Variants in SLC1A2 observed in about 807,000 individuals in gnomAD.
The protein encoded by SLC1A2 is excitatory amino acid transporter 2.
In SLC1A2, 15 loss-of-function variants were observed where a neutral mutation model predicts 48.8. The observed-to-expected ratio is 0.31, with a 90% CI of 0.21 to 0.47. SLC1A2 has a LOEUF of 0.47. Ranked by LOEUF, SLC1A2 falls within the 20% of genes least tolerant of loss-of-function variation. The pLI is 0.99. For missense variants in SLC1A2, 502 were observed against 730.5 expected, an observed-to-expected ratio of 0.69 and a Z score of 3.61; for synonymous variants, 279 against 272.6, an observed-to-expected ratio of 1.02 and a Z score of -0.23.
intron 1 of SLC1A2, among the ~76,000 whole-genome samples, chr11:35,402,441 AG>A (rs1243918254): frequency 2.0e-5 from 3 of 152,152 alleles, no homozygotes; most frequent in African/African-American, 7.2e-5. Flanking sequence ...GAGGCATGAA[AG>A]CTCCGAGCCC....
At chr11:35,316,868 T>TG (rs1851897939) in intron 2 of SLC1A2, 1 of 153,160 alleles carries the variant, frequency 6.5e-6, no homozygotes, top group Non-Finnish European at 1.5e-5. Flanking sequence ...ATCAAGGCAT[T>TG]GGGGCAAACA....
At chr11:35,323,870 G>A (rs1242361926) in intron 1 of SLC1A2, among the ~76,000 whole-genome samples, 1 of 152,202 alleles carries the variant, frequency 6.6e-6, no homozygotes, top group South Asian at 2.1e-4. Flanking sequence ...ATTCAGACGT[G>A]AGCATCTTCT....
intron 1 of SLC1A2, among the ~76,000 whole-genome samples, chr11:35,353,232 G>A (rs1853331174): frequency 6.6e-6 from 1 of 152,146 alleles, no homozygotes; most frequent in Non-Finnish European, 1.5e-5. Flanking sequence ...GAGACAGATG[G>A]GGTTGGGATG....
At chr11:35,314,514 A>C (rs1406197248) in intron 3 of SLC1A2, among the ~76,000 whole-genome samples, 1 of 152,154 alleles carries the variant, frequency 6.6e-6, no homozygotes, top group Non-Finnish European at 1.5e-5. Flanking sequence ...GGAGTTCGAG[A>C]CCAGCTTGGC....
intron 6 of SLC1A2, among the ~76,000 whole-genome samples, 169 bp from the exon 7 acceptor site, chr11:35,292,689 C>G (rs550549911): frequency 1.4e-4 from 22 of 152,254 alleles, no homozygotes; most frequent in African/African-American, 5.3e-4. Flanking sequence ...TTCCCTTAAC[C>G]AAAATCTGTT....
chr11:35,289,498 G>A (rs1002795211), intron 7 of SLC1A2, among the ~76,000 whole-genome samples: 9 of 151,632 alleles, frequency 5.9e-5, no homozygotes, highest in Non-Finnish European at 1.2e-4. Flanking sequence ...TCTAATATTA[G>A]CAGCCTTGGT....
In SLC1A2 at chr11:35,405,862, A is replaced by G. The variant is rs934529897; in HGVS notation, c.17+13088T>C. 5.9e-5 allele frequency among the ~76,000 whole-genome samples: 9 copies of G among 152,326 alleles called. No homozygotes were observed. The East Asian group carries it at 1.7e-3, about 29-fold the overall frequency. On this transcript the variant is annotated intron_variant, in intron 1 of 10. Transcript: ENST00000278379. Reference sequence around the variant, plus strand: ...TGACCACCAGAACCTTACCAAGATGACCATGACCCAACAAGCAAAAGGAAA... The same window carrying G: ...TGACCACCAGAACCTTACCAAGATGGCCATGACCCAACAAGCAAAAGGAAA...
chr11:35,326,212 G>A (rs577498633), intron 1 of SLC1A2, among the ~76,000 whole-genome samples: 13 of 152,270 alleles, frequency 8.5e-5, no homozygotes, highest in African/African-American at 1.9e-4. Flanking sequence ...GCACTTGTCC[G>A]TGAAGGATAT....
chr11:35,362,766 C>T, intron 1 of SLC1A2, among the ~76,000 whole-genome samples: 1 of 152,170 alleles, frequency 6.6e-6, no homozygotes, highest in East Asian at 1.9e-4. Context: ...CATGGGAATC[C>T]ATGGCAAATC....
chr11:35,274,180 C>T (rs1850369608), intron 9 of SLC1A2, among the ~76,000 whole-genome samples: 1 of 152,246 alleles, frequency 6.6e-6, no homozygotes, highest in African/African-American at 2.4e-5. Flanking sequence ...GGGGAGACGA[C>T]TTCTTTTTCA....
At chr11:35,292,626 CAA>C (rs1039499258) in intron 6 of SLC1A2, 106 bp from the exon 7 acceptor site, 13 of 627,876 alleles carry the variant, frequency 2.1e-5, no homozygotes, top group Non-Finnish European at 3.5e-5. Flanking sequence ...CTCTTCTGTA[CAA>C]AAAAAGACTT....
intron 1 of SLC1A2, among the ~76,000 whole-genome samples, chr11:35,390,440 T>G (rs1277449427): frequency 6.6e-6 from 1 of 152,120 alleles, no homozygotes; most frequent in Non-Finnish European, 1.5e-5. Flanking sequence ...CCCACTAAAT[T>G]GGTTTTGGCC....
At chr11:35,263,203 C>G (rs1189006683) in intron 10 of SLC1A2, among the ~76,000 whole-genome samples, 1 of 152,148 alleles carries the variant, frequency 6.6e-6, no homozygotes, top group South Asian at 2.1e-4. Flanking sequence ...CAGTGGCTCA[C>G]GCCTGTAATC....
At chr11:35,345,640 G>T (rs1380678714) in intron 1 of SLC1A2, among the ~76,000 whole-genome samples, 2 of 152,148 alleles carry the variant, frequency 1.3e-5, no homozygotes, top group African/African-American at 4.8e-5. Context: ...TACCCACACA[G>T]CACCTGGGGC....
At chr11:35,298,149 G>C (rs1851230132) in intron 6 of SLC1A2, 1 of 152,166 alleles carries the variant, frequency 6.6e-6, no homozygotes, top group Non-Finnish European at 1.5e-5. Flanking sequence ...CAGTACTATT[G>C]TGAAGAATAA....
At chr11:35,327,478 G>T (rs948844946) in intron 1 of SLC1A2, among the ~76,000 whole-genome samples, 1 of 152,110 alleles carries the variant, frequency 6.6e-6, no homozygotes, top group African/African-American at 2.4e-5. Flanking sequence ...ATAACAGAGT[G>T]ACCTCACTGG....
chr11:35,297,905 C>T (rs1466977142), intron 6 of SLC1A2: 1 of 152,188 alleles, frequency 6.6e-6, no homozygotes, highest in Non-Finnish European at 1.5e-5. Flanking sequence ...AACCTATGGC[C>T]TGGATTCTAG....
chr11:35,260,673 A>G lies in SLC1A2; in HGVS notation c.*221T>C. 1.9e-6 allele frequency: 1 copy of G among 530,368 alleles called. No individual in the cohort carries two copies. The highest frequency in any genetic ancestry group is 3.4e-6 in the Non-Finnish European group (1 of 296,546). 32.9% of individuals were successfully genotyped at this position (530,368 alleles called of 1,614,324 possible). ...GCAGCATCCATTCAAATAATAATAC[A>G]AGTGAGAAAATTAGACGGTTATAAA... On this transcript the variant is annotated 3_prime_UTR_variant, in exon 11 of 11. Coordinates refer to ENST00000278379, the MANE Select transcript of SLC1A2 (RefSeq NM_004171.4).
chr11:35,417,931 A>G lies in SLC1A2; in HGVS notation c.17+1019T>C, dbSNP rs200134517. On this transcript the variant is annotated intron_variant, in intron 1 of 10. Coordinates refer to ENST00000278379, the MANE Select transcript of SLC1A2 (RefSeq NM_004171.4). ...GGAGAAACTGGAAAATGCCAACACC[A>G]CCACTTGAGCCCAGAGAAGCCCCTG... Among the ~76,000 whole-genome samples the G allele has an allele frequency of 4.6e-5, 7 of 152,322 alleles. No individual in the cohort carries two copies. In the East Asian group the frequency reaches 1.3e-3, roughly 29 times the overall value.
Sources: gnomAD v4.1 joint callset for allele counts (sites outside exome capture counted in the v4.1 genomes callset) on GRCh38, gnomAD v4.1.1 for gene constraint, MANE v1.5 for transcripts, NCBI Gene and HGNC (gene_info 2026-07-23, HGNC 2026-07-21) for gene names.